Variants in ASTN2 observed in about 807,000 individuals in gnomAD.
The protein encoded by ASTN2 is astrotactin 2, also known as astrotactin-2.
A neutral mutation model predicts 139.8 loss-of-function variants in ASTN2; 54 were observed. The observed-to-expected ratio is 0.39, with a 90% CI of 0.31 to 0.48. The LOEUF (loss-of-function observed/expected upper bound fraction) is 0.48. Ranked by LOEUF, ASTN2 falls within the 20% of genes least tolerant of loss-of-function variation. The probability of loss-of-function intolerance (pLI) is 0.95; values close to 1 mark genes in which losing one functional copy is unlikely to be tolerated. For missense variants in ASTN2, 1,565 were observed against 1,725.1 expected (o/e 0.91, Z 1.64); for synonymous variants, 756 against 719.5 (o/e 1.05, Z -0.81).
chr9:116,504,233 CAT>C (rs1850010061), intron 19 of ASTN2: 1 of 152,168 alleles, frequency 6.6e-6, no homozygotes, highest in African/African-American at 2.4e-5. Context: ...ATGATTAATA[CAT>C]GTTTATGATG....
chr9:117,061,141 T>TTATG (rs1554774231), intron 5 of ASTN2, among the ~76,000 whole-genome samples: 9 of 104,310 alleles, frequency 8.6e-5, no homozygotes, highest in Non-Finnish European at 1.6e-4. Context: ...CACCAGTCTT[T>TTATG]TATTTATTTA....
intron 1 of ASTN2, among the ~76,000 whole-genome samples, chr9:117,384,962 T>TGGAAATC (rs1249366202): frequency 6.6e-6 from 1 of 152,100 alleles, no homozygotes; most frequent in Admixed American, 6.5e-5. Flanking sequence ...AATGGGATGA[T>TGGAAATC]GGAAATCCAC....
intron 3 of ASTN2, among the ~76,000 whole-genome samples, chr9:117,197,578 A>AGT (rs377638206): frequency 2.0e-5 from 3 of 152,154 alleles, no homozygotes; most frequent in East Asian, 1.9e-4. Flanking sequence ...TGTAGGTGCA[A>AGT]GTGTGTGTGT....
At chr9:117,314,850 G>T (rs974778757) in intron 1 of ASTN2, among the ~76,000 whole-genome samples, 22 of 144,348 alleles carry the variant, frequency 1.5e-4, no homozygotes, top group Admixed American at 5.6e-4. Flanking sequence ...AATCATATAA[G>T]TATACGTAAT....
chr9:117,168,827 T>C (rs768278443), intron 3 of ASTN2, among the ~76,000 whole-genome samples: 4 of 152,206 alleles, frequency 2.6e-5, no homozygotes, highest in South Asian at 2.1e-4. Flanking sequence ...TTTAATGTTA[T>C]TGCAGTTTGT....
chr9:116,478,184 AAAGG>A (rs1375893169), intron 20 of ASTN2, among the ~76,000 whole-genome samples: 1 of 108,266 alleles, frequency 9.2e-6, no homozygotes, highest in Non-Finnish European at 1.9e-5. Context: ...GGGGAGGGAG[AAAGG>A]AAGGAAGGAA....
At chr9:117,128,252 T>C (rs1438776395) in intron 4 of ASTN2, among the ~76,000 whole-genome samples, 1 of 151,666 alleles carries the variant, frequency 6.6e-6, no homozygotes, top group East Asian at 2.0e-4. Flanking sequence ...TGTGTGCCTG[T>C]AGTCCCAGCT....
chr9:116,558,271 G>A (rs1852734975), intron 19 of ASTN2, among the ~76,000 whole-genome samples: 1 of 151,904 alleles, frequency 6.6e-6, no homozygotes, highest in Admixed American at 6.5e-5. Flanking sequence ...CTACTTAGGA[G>A]GGCTTACTAA....
intron 17 of ASTN2, among the ~76,000 whole-genome samples, chr9:116,621,093 C>T (rs1045231825): frequency 2.6e-5 from 4 of 152,166 alleles, no homozygotes; most frequent in Non-Finnish European, 5.9e-5. Flanking sequence ...TTTCCACCAA[C>T]AGTGAATTCC....
chr9:117,220,368 A>G (rs1832474058), intron 2 of ASTN2, among the ~76,000 whole-genome samples: 1 of 151,988 alleles, frequency 6.6e-6, no homozygotes, highest in Admixed American at 6.6e-5. Context: ...CCAAAGTGTG[A>G]TGCTCCCTCT....
intron 16 of ASTN2, among the ~76,000 whole-genome samples, chr9:116,664,274 CCTCA>C (rs1214552112): frequency 6.6e-6 from 1 of 151,454 alleles, no homozygotes; most frequent in African/African-American, 2.4e-5. Context: ...AGGCACAGGG[CCTCA>C]CTATGTTGCC....
chr9:116,618,584 G>C (rs1855970069), intron 18 of ASTN2, 112 bp from the exon 19 acceptor site: 2 of 1,299,182 alleles, frequency 1.5e-6, no homozygotes, highest in Non-Finnish European at 2.1e-6. Context: ...TTTAAATCTT[G>C]ATTCCACCCA....
At chr9:116,446,742 C>T (rs1228425295) in intron 20 of ASTN2, among the ~76,000 whole-genome samples, 1 of 152,150 alleles carries the variant, frequency 6.6e-6, no homozygotes, top group African/African-American at 2.4e-5. Flanking sequence ...GGAACACTGG[C>T]CAAGGTGGCT....
intron 13 of ASTN2, among the ~76,000 whole-genome samples, chr9:116,739,765 A>G (rs1328415078): frequency 6.6e-6 from 1 of 152,226 alleles, no homozygotes; most frequent in African/African-American, 2.4e-5. Flanking sequence ...CTCAGGGCCC[A>G]GCAGTGCAAA....
At chr9:117,099,893 C>T (rs551596794) in intron 4 of ASTN2, among the ~76,000 whole-genome samples, 2 of 152,200 alleles carry the variant, frequency 1.3e-5, no homozygotes, top group South Asian at 2.1e-4. Flanking sequence ...AGAGGTGATA[C>T]GAGGTAGTAA....
At chr9:116,538,028 T>C (rs1480187938) in intron 19 of ASTN2, among the ~76,000 whole-genome samples, 2 of 152,150 alleles carry the variant, frequency 1.3e-5, no homozygotes, top group Non-Finnish European at 2.9e-5. Flanking sequence ...ATATCAAAAT[T>C]TGAAACAAGA....
At chr9:117,005,515 G>C (rs1837330219) in intron 7 of ASTN2, among the ~76,000 whole-genome samples, 1 of 152,094 alleles carries the variant, frequency 6.6e-6, no homozygotes, top group Non-Finnish European at 1.5e-5. Context: ...CCAGGTACGT[G>C]CCTGCAATGG....
chr9:116,968,488 C>A (rs1026442730), intron 10 of ASTN2, among the ~76,000 whole-genome samples: 10 of 152,046 alleles, frequency 6.6e-5, no homozygotes, highest in African/African-American at 2.4e-4. Flanking sequence ...TGGTTAACAG[C>A]TGAAAAAAGA....
At chr9:116,703,818 C>A (rs1244114982) in intron 16 of ASTN2, among the ~76,000 whole-genome samples, 1 of 152,056 alleles carries the variant, frequency 6.6e-6, no homozygotes. Flanking sequence ...CCACCCTGCA[C>A]TTGACTAGGA....
Sources: allele counts gnomAD v4.1 joint callset (sites outside exome capture counted in the v4.1 genomes callset), GRCh38; gene constraint gnomAD v4.1.1; transcripts MANE v1.5; gene names NCBI Gene and HGNC (gene_info 2026-07-23, HGNC 2026-07-21).